CADPS2: variants seen among roughly 807,000 people sequenced by gnomAD.
CADPS2 encodes calcium-dependent secretion activator 2.
CADPS2 carries 93 observed loss-of-function variants against 172.5 expected under a neutral mutation model. The ratio of observed to expected loss-of-function variants is 0.54; its 90% CI spans 0.46 to 0.64. The LOEUF is 0.64. Among genes scored for constraint, CADPS2 ranks in the 30% least tolerant of loss-of-function variants. The pLI is 0.00. For synonymous variants in CADPS2, 546 were observed against 555.2 expected, an observed-to-expected ratio of 0.98 and a Z score of 0.23; for missense variants, 1,420 against 1,565.9, an observed-to-expected ratio of 0.91 and a Z score of 1.57.
At chr7:122,570,181 T>C (rs1020734737) in intron 7 of CADPS2, among the ~76,000 whole-genome samples, 5 of 150,030 alleles carry the variant, frequency 3.3e-5, no homozygotes, top group African/African-American at 1.2e-4. Context: ...CAAACAAATT[T>C]ACAAGAAAAA....
intron 25 of CADPS2, among the ~76,000 whole-genome samples, chr7:122,371,300 G>T (rs771434136): frequency 2.6e-5 from 4 of 152,166 alleles, no homozygotes; most frequent in Non-Finnish European, 5.9e-5. Context: ...ATTTATAAAG[G>T]CAAGAAGTTT....
intron 2 of CADPS2, among the ~76,000 whole-genome samples, chr7:122,719,973 A>G (rs542762483): frequency 6.6e-6 from 1 of 152,258 alleles, no homozygotes; most frequent in African/African-American, 2.4e-5. Context: ...TGCTCAATAA[A>G]GAGTTATTGG....
chr7:122,428,942 C>T (rs2049530056), intron 17 of CADPS2, among the ~76,000 whole-genome samples: 1 of 152,076 alleles, frequency 6.6e-6, no homozygotes, highest in Non-Finnish European at 1.5e-5. Context: ...GAAAAGAGTA[C>T]TGACAATGTA....
chr7:122,622,067 C>T (rs551381457), intron 4 of CADPS2, among the ~76,000 whole-genome samples: 25 of 152,216 alleles, frequency 1.6e-4, no homozygotes, highest in African/African-American at 5.1e-4. Flanking sequence ...AGTAGCTTTG[C>T]GATGCTTGGG....
intron 2 of CADPS2, among the ~76,000 whole-genome samples, chr7:122,715,410 T>C (rs1261338284): frequency 6.6e-6 from 1 of 152,102 alleles, no homozygotes; most frequent in Admixed American, 6.6e-5. Flanking sequence ...CTTGAGCTTG[T>C]GAATAAGACA....
At chr7:122,386,119 T>C (rs2151423729) in intron 24 of CADPS2, among the ~76,000 whole-genome samples, 1 of 152,180 alleles carries the variant, frequency 6.6e-6, no homozygotes, top group South Asian at 2.1e-4. Context: ...TCATGAATCT[T>C]TGGACTATTG....
At chr7:122,404,134 C>T (rs1412259026) in intron 20 of CADPS2, among the ~76,000 whole-genome samples, 1 of 151,836 alleles carries the variant, frequency 6.6e-6, no homozygotes, top group African/African-American at 2.4e-5. Context: ...TAATGCTATC[C>T]CTCCCCCCTC....
At chr7:122,622,922 C>G (rs2075744623) in intron 4 of CADPS2, among the ~76,000 whole-genome samples, 1 of 152,180 alleles carries the variant, frequency 6.6e-6, no homozygotes, top group Non-Finnish European at 1.5e-5. Context: ...CCAGTTCATT[C>G]ATGGGATTGG....
chr7:122,824,650 T>A (rs1804370858), intron 1 of CADPS2, among the ~76,000 whole-genome samples: 1 of 152,248 alleles, frequency 6.6e-6, no homozygotes, highest in Non-Finnish European at 1.5e-5. Flanking sequence ...TATGATAGGC[T>A]GCATGTTTTT....
intron 8 of CADPS2, among the ~76,000 whole-genome samples, chr7:122,535,481 G>A (rs1390840330): frequency 6.6e-6 from 1 of 151,976 alleles, no homozygotes; most frequent in Non-Finnish European, 1.5e-5. Context: ...TAGAGTAGTA[G>A]CTGAGTACTC....
intron 1 of CADPS2, among the ~76,000 whole-genome samples, chr7:122,748,211 A>G (rs2092801342): frequency 6.6e-6 from 1 of 152,176 alleles, no homozygotes; most frequent in African/African-American, 2.4e-5. Flanking sequence ...ACAAAGCCTA[A>G]GAAAAGAATT....
At chr7:122,421,539 T>C (rs960587740) in intron 17 of CADPS2, among the ~76,000 whole-genome samples, 10 of 152,202 alleles carry the variant, frequency 6.6e-5, no homozygotes, top group African/African-American at 2.4e-4. Context: ...CTCCTCAGAT[T>C]CCGTGGCCCT....
At chr7:122,650,852 T>C (rs1234763678) in intron 3 of CADPS2, among the ~76,000 whole-genome samples, 3 of 152,094 alleles carry the variant, frequency 2.0e-5, no homozygotes, top group Non-Finnish European at 4.4e-5. Flanking sequence ...ATCCATCCAA[T>C]TTACATTATG....
rs796208561 is a variant in CADPS2 at position 122,591,190 on chromosome 7, T to C, written c.1224-9900A>G. ...AATCACAAGCATTCCTATACACCAATAACAGACAAACAGAGAGCCAAATCA... is the reference window on the plus strand; with the variant it reads ...AATCACAAGCATTCCTATACACCAACAACAGACAAACAGAGAGCCAAATCA... On this transcript the variant is annotated intron_variant, in intron 6 of 29. Coordinates refer to ENST00000449022, the MANE Select transcript of CADPS2 (RefSeq NM_017954.11). 5.3e-5 allele frequency among the ~76,000 whole-genome samples: 8 copies of C among 152,012 alleles called. No homozygotes were observed. The East Asian group carries it at 9.8e-4, about 19-fold the overall frequency.
chr7:122,360,296 A>T (rs2039960362), intron 27 of CADPS2, among the ~76,000 whole-genome samples: 1 of 152,206 alleles, frequency 6.6e-6, no homozygotes, highest in Admixed American at 6.5e-5. Context: ...AAATTTTGGA[A>T]CAAATTTATG....
chr7:122,459,474 A>T (rs2152087638), intron 14 of CADPS2, among the ~76,000 whole-genome samples: 1 of 152,170 alleles, frequency 6.6e-6, no homozygotes, highest in East Asian at 1.9e-4. Context: ...ATCAGCTTAC[A>T]CTCTGGCCTG....
At chr7:122,419,741 CAT>C (rs2048333312) in intron 17 of CADPS2, among the ~76,000 whole-genome samples, 1 of 150,894 alleles carries the variant, frequency 6.6e-6, no homozygotes, top group African/African-American at 2.5e-5. Flanking sequence ...TCAATGGACT[CAT>C]ATATGTGTAT....
intron 2 of CADPS2, among the ~76,000 whole-genome samples, chr7:122,735,750 A>G (rs1025824745): frequency 4.6e-5 from 7 of 152,276 alleles, no homozygotes; most frequent in Admixed American, 6.6e-5. Flanking sequence ...TAAAAACTTT[A>G]TATCTTTTTA....
intron 1 of CADPS2, among the ~76,000 whole-genome samples, chr7:122,773,589 A>G (rs1370451863): frequency 6.6e-6 from 1 of 152,102 alleles, no homozygotes; most frequent in Admixed American, 6.6e-5. Flanking sequence ...AGAAGTTCAA[A>G]AAAGGCTTCC....
Sources: gnomAD v4.1 joint callset for allele counts (sites outside exome capture counted in the v4.1 genomes callset) on GRCh38, gnomAD v4.1.1 for gene constraint, MANE v1.5 for transcripts, NCBI Gene and HGNC (gene_info 2026-07-23, HGNC 2026-07-21) for gene names.